Variants in PCDH15 observed in about 807,000 individuals in gnomAD.
PCDH15 encodes protocadherin-15.
In PCDH15, 129 loss-of-function variants were observed where a neutral mutation model predicts 178.5. That is an observed-to-expected ratio of 0.72 (90% confidence interval 0.63 to 0.84). PCDH15 has a LOEUF of 0.84. PCDH15 is among the 40% of genes least tolerant of loss of function. The pLI, the probability that PCDH15 is intolerant of heterozygous loss-of-function variation, is 0.00. For missense variants in PCDH15, 2,230 were observed against 2,099.9 expected (o/e 1.06, Z -1.21); for synonymous variants, 800 against 732.0 (o/e 1.09, Z -1.50).
rs34097929 is a variant in PCDH15, at chr10:55,314,199, G to GTATATATA, written c.-156+5392_-156+5399dup. Among the ~76,000 whole-genome samples the GTATATATA allele has an allele frequency of 2.1e-3, 293 of 142,818 alleles. 3 individuals carry two copies. Among genetic ancestry groups the GTATATATA allele is most frequent in the South Asian group, 6.8e-3 (31 of 4,584 alleles). 93.7% of individuals were successfully genotyped at this position (142,818 alleles called of 152,430 possible). ...ATATATACATTATATATGTTTGTGT[G>GTATATATA]TATATATATATATATATATATGTAA... On this transcript the variant is annotated intron_variant, in intron 1 of 5. Coordinates refer to the PCDH15 transcript ENST00000458638.
intron 2 of PCDH15, among the ~76,000 whole-genome samples, chr10:54,580,335 A>G (rs566154469): frequency 6.6e-6 from 1 of 152,244 alleles, no homozygotes; most frequent in East Asian, 1.9e-4. Flanking sequence ...TATTATGAAC[A>G]CTGGATGCAC....
chr10:55,235,530 A>G (rs1196743062), intron 1 of PCDH15, among the ~76,000 whole-genome samples: 1 of 152,094 alleles, frequency 6.6e-6, no homozygotes, highest in Non-Finnish European at 1.5e-5. Flanking sequence ...TGCTATGAGA[A>G]GAGTTCTCAT....
intron 3 of PCDH15, among the ~76,000 whole-genome samples, chr10:54,517,301 A>G (rs1386271011): frequency 4.6e-5 from 7 of 152,070 alleles, no homozygotes; most frequent in Non-Finnish European, 7.4e-5. Flanking sequence ...TCAGTGTGCT[A>G]TATTCAGGAA....
chr10:55,000,391 G>A (rs1839770675), intron 2 of PCDH15, among the ~76,000 whole-genome samples: 1 of 152,166 alleles, frequency 6.6e-6, no homozygotes, highest in Non-Finnish European at 1.5e-5. Flanking sequence ...CTCACTGGTG[G>A]TCAGAGTTTA....
At chr10:54,013,680 G>A (rs1565011093) in intron 20 of PCDH15, among the ~76,000 whole-genome samples, 1 of 152,062 alleles carries the variant, frequency 6.6e-6, no homozygotes, top group Non-Finnish European at 1.5e-5. Context: ...ATAAAATTAA[G>A]GCAGAAATAA....
chr10:55,386,809 G>A (rs1837670798), intron 2 of PCDH15, among the ~76,000 whole-genome samples: 1 of 151,990 alleles, frequency 6.6e-6, no homozygotes, highest in African/African-American at 2.4e-5. Context: ...TGCAAACATT[G>A]AAGTGGTATG....
chr10:53,973,346 C>G (rs1021829298), intron 21 of PCDH15, among the ~76,000 whole-genome samples: 3 of 151,416 alleles, frequency 2.0e-5, no homozygotes, highest in Non-Finnish European at 4.4e-5. Flanking sequence ...ATGTAAATCT[C>G]GAGTTAATGG....
intron 23 of PCDH15, among the ~76,000 whole-genome samples, chr10:53,958,280 G>C (rs926999572): frequency 6.6e-6 from 1 of 151,938 alleles, no homozygotes; most frequent in Admixed American, 6.6e-5. Flanking sequence ...AAAATATTCT[G>C]GAATTTAATG....
At chr10:55,030,274 G>A (rs752383086) in intron 2 of PCDH15, among the ~76,000 whole-genome samples, 14 of 152,224 alleles carry the variant, frequency 9.2e-5, no homozygotes, top group Middle Eastern at 3.4e-3. Context: ...ATCATGTGTG[G>A]GATCTTAACA....
At chr10:54,055,885 T>A (rs1296654894) in intron 18 of PCDH15, among the ~76,000 whole-genome samples, 1 of 152,244 alleles carries the variant, frequency 6.6e-6, no homozygotes, top group Non-Finnish European at 1.5e-5. Flanking sequence ...GATGATTGAA[T>A]TCACAGAACA....
At chr10:54,019,511 G>T (rs7911734) in intron 20 of PCDH15, among the ~76,000 whole-genome samples, 89,977 of 151,872 alleles carry the variant, frequency 0.59, 29,509 homozygotes, top group Non-Finnish European at 0.74. Flanking sequence ...AGAGGATCAC[G>T]GTATGTACTA....
chr10:55,417,315 T>C (rs1397352481), intron 2 of PCDH15, among the ~76,000 whole-genome samples: 1 of 151,720 alleles, frequency 6.6e-6, no homozygotes, highest in African/African-American at 2.4e-5. Flanking sequence ...AAAGACATTA[T>C]AAGCAAAGAA....
intron 9 of PCDH15, among the ~76,000 whole-genome samples, chr10:54,232,934 T>A (rs528748835): frequency 1.3e-5 from 2 of 148,868 alleles, no homozygotes; most frequent in East Asian, 1.9e-4. Context: ...CTTTTTTTTT[T>A]TTTTTTTTTT....
chr10:54,797,107 T>G (rs541669547), intron 1 of PCDH15, among the ~76,000 whole-genome samples: 168 of 152,176 alleles, frequency 1.1e-3, no homozygotes, highest in African/African-American at 3.9e-3. Context: ...CAGTGCTTAA[T>G]TCTATCGGAA....
intron 2 of PCDH15, among the ~76,000 whole-genome samples, chr10:55,105,896 T>C (rs914565343): frequency 1.3e-5 from 2 of 152,196 alleles, no homozygotes; most frequent in African/African-American, 4.8e-5. Flanking sequence ...GAGGAAATCC[T>C]ATGAGCCTTC....
At chr10:53,810,792 C>A in intron 36 of PCDH15, 128 bp from the exon 37 acceptor site, 2 of 850,306 alleles carry the variant, frequency 2.4e-6, no homozygotes, top group Admixed American at 1.9e-5. Flanking sequence ...ACCTATCAGG[C>A]TCCTTGTAAA....
At position 54,516,257 on chromosome 10, in the gene PCDH15, G is replaced by A. The variant is rs962030615; in HGVS notation, c.157+11555C>T. Among the ~76,000 whole-genome samples, 49 of 152,060 alleles carry A rather than the reference G, an allele frequency of 3.2e-4. 1 individual carries two copies. Among genetic ancestry groups the A allele is most frequent in the African/African-American group, 1.1e-3 (44 of 41,504 alleles). On this transcript the variant is annotated intron_variant, in intron 3 of 37. Transcript: ENST00000644397. ...AAGAAGGCTTCAGATGATCAACTAC[G>A]CTGAGCTACAGGAGGAAATTCAAAC...
chr10:55,301,328 G>T (rs1843272401), intron 1 of PCDH15, among the ~76,000 whole-genome samples: 1 of 151,940 alleles, frequency 6.6e-6, no homozygotes, highest in Non-Finnish European at 1.5e-5. Flanking sequence ...GCCTCCTTAT[G>T]GTTTTCACTT....
At chr10:55,387,850 T>C (rs181148921) in intron 2 of PCDH15, among the ~76,000 whole-genome samples, 3 of 152,222 alleles carry the variant, frequency 2.0e-5, no homozygotes, top group Admixed American at 1.3e-4. Context: ...TGGTATTTTT[T>C]TTTAATACGG....
Sources: allele counts gnomAD v4.1 joint callset (sites outside exome capture counted in the v4.1 genomes callset), GRCh38; gene constraint gnomAD v4.1.1; transcripts MANE v1.5; gene names NCBI Gene and HGNC (gene_info 2026-07-23, HGNC 2026-07-21).